CANX: variants seen among roughly 807,000 people sequenced by gnomAD.
CANX encodes epididymis secretory sperm binding protein.
A neutral mutation model predicts 75.7 loss-of-function variants in CANX; 14 were observed. The ratio of observed to expected loss-of-function variants is 0.19; its 90% CI spans 0.12 to 0.29. The LOEUF (loss-of-function observed/expected upper bound fraction) is 0.29. CANX is among the 10% of genes least tolerant of loss of function. The pLI is 1.00. For synonymous variants in CANX, 227 were observed against 236.9 expected (o/e 0.96, Z 0.38); for missense variants, 567 against 713.2 (o/e 0.79, Z 2.34).
chr5:179,722,701 A>G (rs1474329380), intron 10 of CANX, 103 bp from the exon 11 acceptor site: 6 of 687,508 alleles, frequency 8.7e-6, no homozygotes, highest in Non-Finnish European at 1.5e-5. Flanking sequence ...TGAAGTTGGC[A>G]TTTCTCTCCA....
At chr5:179,681,086 G>GCCTC in intron 1 of CANX, 1 of 618,610 alleles carries the variant, frequency 1.6e-6, no homozygotes, top group Non-Finnish European at 2.9e-6. Context: ...GACTCACAAT[G>GCCTC]CCTCCAGGCC....
In CANX at chr5:179,689,379, GTTTTT is replaced by G. The variant is rs958473912; in HGVS notation, c.-4+10623_-4+10627del. 8.4e-5 allele frequency among the ~76,000 whole-genome samples: 7 copies of G among 83,676 alleles called. No individual in the cohort carries two copies. In the South Asian group the frequency reaches 1.6e-3, roughly 19 times the overall value. The allele number at this position is 83,676 out of a possible 152,430, so 54.9% of individuals were successfully genotyped here. On this transcript the variant is annotated intron_variant, in intron 1 of 14. Coordinates refer to the CANX transcript ENST00000681674. ...AAGAGAAAGCTACAAAACCCAACAA[GTTTTT>G]TTTTTTTTTTTTTTTTTTTTGAGAC...
rs1159337753 is a variant in CANX, at chr5:179,729,200, G to A, written c.*556G>A. The A allele has an allele frequency of 6.2e-6, 1 of 162,118 alleles. No homozygotes were observed. Among genetic ancestry groups the A allele is most frequent in the African/African-American group, 2.4e-5 (1 of 41,474 alleles). The allele number at this position is 162,118 out of a possible 1,614,324, so 10.0% of individuals were successfully genotyped here. On this transcript the variant is annotated 3_prime_UTR_variant, in exon 15 of 15. Transcript: ENST00000247461. ...ATTGAGTTCCTCCTAAGGAAATTGA[G>A]GAGAGGGACTGAATAGAAGCCCAAA...
At chr5:179,692,097 C>CA (rs1282097297) in intron 1 of CANX, among the ~76,000 whole-genome samples, 1 of 149,074 alleles carries the variant, frequency 6.7e-6, no homozygotes, top group East Asian at 2.0e-4. Context: ...TTTTTTGAGA[C>CA]AAAGTCTCGC....
At chr5:179,714,875 G>A (rs796118434) in intron 7 of CANX, among the ~76,000 whole-genome samples, 6 of 151,768 alleles carry the variant, frequency 4.0e-5, no homozygotes, top group African/African-American at 1.4e-4. Context: ...AGCGATTCTT[G>A]TGCCTTAGCC....
chr5:179,723,081 G>A, intron 11 of CANX, 62 bp downstream of exon 11: 2 of 1,449,794 alleles, frequency 1.4e-6, no homozygotes, highest in Non-Finnish European at 1.9e-6. Context: ...TTTTGTGAAA[G>A]TCTGTGTTAA....
Position 179,705,870 on chromosome 5 carries a change from A to C in CANX, c.171+18A>C, listed in dbSNP as rs887536343. On this transcript the variant is annotated intron_variant, in intron 2 of 14. Coordinates refer to ENST00000247461, the MANE Select transcript of CANX (RefSeq NM_001746.4). ...CTCCCAAGGTTTGAAATGGTCTTTG[A>C]ATCTATTCCTTTTACGTCTTGAGAT... 9 of 1,605,666 alleles carry C rather than the reference A, an allele frequency of 5.6e-6. No homozygotes were observed. The highest frequency in any genetic ancestry group is 6.8e-6 in the Non-Finnish European group (8 of 1,172,940).
At position 179,730,050 on chromosome 5, in the gene CANX, G is replaced by A. The variant is rs901183240; in HGVS notation, c.*1406G>A. On this transcript the variant is annotated 3_prime_UTR_variant, in exon 15 of 15. Transcript: ENST00000247461. ...TTTTTCATGCGGGATGCAGATGGGT[G>A]CTATCAGAGCCTCTCCCACACCACT... The A allele has an allele frequency of 1.3e-5, 2 of 152,480 alleles. No homozygotes were observed. The highest frequency in any genetic ancestry group is 2.4e-5 in the African/African-American group (1 of 41,376). 9.4% of individuals were successfully genotyped at this position (152,480 alleles called of 1,614,324 possible). A position where few individuals can be genotyped will look rare whatever the true frequency, so the allele number is the denominator to read the frequency against.
intron 7 of CANX, 54 bp downstream of exon 7, chr5:179,710,119 T>G: frequency 9.0e-7 from 1 of 1,111,666 alleles, no homozygotes; most frequent in Non-Finnish European, 1.3e-6. Context: ...TATCATCCAT[T>G]TAATTTAAAG....
chr5:179,701,352 T>C (rs1206657729), intron 1 of CANX, among the ~76,000 whole-genome samples: 1 of 151,854 alleles, frequency 6.6e-6, no homozygotes, highest in Non-Finnish European at 1.5e-5. Context: ...TCGAGCACTT[T>C]GGGAGGCTGA....
At chr5:179,703,999 T>TTG (rs975066536) in intron 1 of CANX, among the ~76,000 whole-genome samples, 7 of 152,092 alleles carry the variant, frequency 4.6e-5, no homozygotes, top group South Asian at 2.1e-4. Flanking sequence ...AAAGGACATC[T>TTG]TGTGTGTGTG....
Position 179,699,048 on chromosome 5 carries a change from A to G in CANX, c.-58A>G. ...TCTCTCTTTACTGCGGCGCGGGGCA[A>G]GGTGTGCGGGCGGGAAGGGGCACGG... On this transcript the variant is annotated 5_prime_UTR_variant, in exon 1 of 15. Transcript: ENST00000247461. The G allele has an allele frequency of 1.8e-6, 2 of 1,109,600 alleles. No individual in the cohort carries two copies. The highest frequency in any genetic ancestry group is 1.9e-5 in the South Asian group (1 of 52,002). 68.7% of individuals were successfully genotyped at this position (1,109,600 alleles called of 1,614,324 possible). A position where few individuals can be genotyped will look rare whatever the true frequency, so the allele number is the denominator to read the frequency against.
intron 1 of CANX, among the ~76,000 whole-genome samples, chr5:179,680,487 C>G (rs113971386): frequency 6.6e-6 from 1 of 152,082 alleles, no homozygotes; most frequent in African/African-American, 2.4e-5. Flanking sequence ...AAGACAGATG[C>G]GTGTATAGAC....
At chr5:179,727,666 G>T (rs765995173) in intron 14 of CANX, among the ~76,000 whole-genome samples, 9 of 152,214 alleles carry the variant, frequency 5.9e-5, no homozygotes, top group African/African-American at 1.9e-4. Flanking sequence ...GTCACAGGAT[G>T]ATGACTGTGT....
chr5:179,698,705 G>T (rs944853547), upstream of CANX: 1 of 893,924 alleles, frequency 1.1e-6, no homozygotes, highest in South Asian at 1.4e-5. Context: ...GCGCGCGCCC[G>T]GCGGTCTCGA....
upstream of CANX, among the ~76,000 whole-genome samples, chr5:179,695,082 C>T (rs1562444697): frequency 6.6e-6 from 1 of 151,592 alleles, no homozygotes; most frequent in African/African-American, 2.4e-5. Context: ...CGGAATCTTG[C>T]TCTGTCTCCC....
chr5:179,726,203 A>G (rs1253656761), intron 13 of CANX, among the ~76,000 whole-genome samples: 1 of 151,408 alleles, frequency 6.6e-6, no homozygotes, highest in Non-Finnish European at 1.5e-5. Context: ...TAGGAGATCC[A>G]CTTGAACCTG....
Position 179,705,777 on chromosome 5 carries a change from G to A in CANX, c.96G>A (p.Glu32=), listed in dbSNP as rs768479664. 1 of 1,611,444 alleles carries A rather than the reference G, an allele frequency of 6.2e-7. No homozygotes were observed. Among genetic ancestry groups the A allele is most frequent in the Non-Finnish European group, 8.5e-7 (1 of 1,177,644 alleles). The change falls in exon 2 of 15, where the codon GAG becomes GAA. Residue 32 remains glutamate, a synonymous_variant. Coordinates refer to ENST00000247461, the MANE Select transcript of CANX (RefSeq NM_001746.4). ...ATGATGATGATGTGATTGATATTGA[G>A]GATGACCTTGACGATGTCATTGAAG... ...DGHDDDVIDI[E]DDLDDVIEEV... is the part of the protein sequence containing the mutation.
upstream of CANX, among the ~76,000 whole-genome samples, chr5:179,695,082 CTCTG>C (rs5873661): frequency 0.67 from 101,682 of 151,516 alleles, 37,128 homozygotes; most frequent in Non-Finnish European, 0.8. Flanking sequence ...CGGAATCTTG[CTCTG>C]TCTCCCAGGC....
Sources: gnomAD v4.1 joint callset for allele counts (sites outside exome capture counted in the v4.1 genomes callset) on GRCh38, gnomAD v4.1.1 for gene constraint, MANE v1.5 for transcripts, NCBI Gene and HGNC (gene_info 2026-07-23, HGNC 2026-07-21) for gene names.